Variants in PKP4 observed in about 807,000 individuals in gnomAD.
PKP4 encodes plakophilin-4.
PKP4 carries 90 observed loss-of-function variants against 145.1 expected under a neutral mutation model. The ratio of observed to expected loss-of-function variants is 0.62; its 90% CI spans 0.52 to 0.74. PKP4 has a LOEUF of 0.74. PKP4 is among the 30% of genes least tolerant of loss of function. PKP4 has a pLI of 0.00. For synonymous variants in PKP4, 563 were observed against 577.2 expected (o/e 0.98, Z 0.35); for missense variants, 1,340 against 1,482.7 (o/e 0.90, Z 1.58).
intron 3 of PKP4, among the ~76,000 whole-genome samples, chr2:158,600,688 T>G (rs1206777070): frequency 6.6e-6 from 1 of 152,224 alleles, no homozygotes; most frequent in Admixed American, 6.5e-5. Context: ...TAGGCTGTTA[T>G]GAATAACATG....
At chr2:158,626,728 CATT>C (rs1168032317) in intron 7 of PKP4, among the ~76,000 whole-genome samples, 10 of 152,140 alleles carry the variant, frequency 6.6e-5, no homozygotes, top group Non-Finnish European at 1.5e-4. Flanking sequence ...AGCTGTACCT[CATT>C]GTTTTTAAGG....
chr2:158,589,166 T>C (rs952336207), intron 3 of PKP4, among the ~76,000 whole-genome samples: 2 of 152,160 alleles, frequency 1.3e-5, no homozygotes, highest in African/African-American at 4.8e-5. Flanking sequence ...GTTGAACACC[T>C]ATTATGTAAT....
chr2:158,601,934 C>G (rs1345797410), intron 3 of PKP4, among the ~76,000 whole-genome samples: 1 of 152,084 alleles, frequency 6.6e-6, no homozygotes. Context: ...CTTTATTTGG[C>G]AGAATGTTTC....
At chr2:158,552,621 A>C (rs2045729562) in intron 2 of PKP4, among the ~76,000 whole-genome samples, 1 of 152,212 alleles carries the variant, frequency 6.6e-6, no homozygotes. Flanking sequence ...AGAGGAAAGA[A>C]AGGTGATTCT....
intron 1 of PKP4, among the ~76,000 whole-genome samples, chr2:158,507,444 C>T (rs188881025): frequency 6.6e-6 from 1 of 152,260 alleles, no homozygotes; most frequent in East Asian, 1.9e-4. Context: ...TACCGTGAAA[C>T]CAGGACTCGG....
intron 2 of PKP4, among the ~76,000 whole-genome samples, chr2:158,576,990 A>G (rs1365234390): frequency 7.2e-5 from 11 of 152,216 alleles, no homozygotes; most frequent in Admixed American, 7.2e-4. Flanking sequence ...CTGTAGCAGA[A>G]GTACTGTTTG....
At chr2:158,484,208 C>T (rs953542660) in intron 1 of PKP4, among the ~76,000 whole-genome samples, 5 of 151,816 alleles carry the variant, frequency 3.3e-5, no homozygotes, top group Non-Finnish European at 7.4e-5. Context: ...CCACCGCGCC[C>T]GGCTAATTTT....
At chr2:158,655,257 C>T (rs1397980119) in intron 11 of PKP4, among the ~76,000 whole-genome samples, 1 of 152,150 alleles carries the variant, frequency 6.6e-6, no homozygotes, top group Admixed American at 6.5e-5. Context: ...CATACAACTC[C>T]ATCAGTCATT....
At chr2:158,608,704 T>TATTTATG (rs995194310) in intron 4 of PKP4, among the ~76,000 whole-genome samples, 3 of 152,212 alleles carry the variant, frequency 2.0e-5, no homozygotes, top group Non-Finnish European at 2.9e-5. Context: ...TTTTCAGCCA[T>TATTTATG]ATTTATGACA....
At chr2:158,480,022 G>A (rs766863648) in intron 1 of PKP4, among the ~76,000 whole-genome samples, 2 of 152,080 alleles carry the variant, frequency 1.3e-5, no homozygotes, top group African/African-American at 2.4e-5. Context: ...CTTCTTAGAC[G>A]TTGATTCTGA....
chr2:158,469,843 C>T (rs893976853), intron 1 of PKP4, among the ~76,000 whole-genome samples: 1 of 152,132 alleles, frequency 6.6e-6, no homozygotes, highest in African/African-American at 2.4e-5. Flanking sequence ...AAATATGATC[C>T]TCCCAATAAG....
At chr2:158,567,072 T>A (rs745397078) in intron 2 of PKP4, among the ~76,000 whole-genome samples, 12 of 152,124 alleles carry the variant, frequency 7.9e-5, no homozygotes, top group Non-Finnish European at 1.3e-4. Context: ...AGGGAGTAAA[T>A]CATAAAATCA....
In PKP4 at chr2:158,503,965, C is replaced by CTT. The variant is rs59715903; in HGVS notation, c.-5-29193_-5-29192dup. Among the ~76,000 whole-genome samples, 146 of 86,890 alleles carry CTT rather than the reference C, an allele frequency of 1.7e-3. 2 individuals are homozygous for CTT. The highest frequency in any genetic ancestry group is 6.6e-3 in the East Asian group (17 of 2,564). The allele number at this position is 86,890 out of a possible 152,430, so 57.0% of individuals were successfully genotyped here. A position where few individuals can be genotyped will look rare whatever the true frequency, so the allele number is the denominator to read the frequency against. On this transcript the variant is annotated intron_variant, in intron 1 of 21. Coordinates refer to ENST00000389759, the MANE Select transcript of PKP4 (RefSeq NM_003628.6). Reference sequence around the variant, plus strand: ...TTTTAGGATTTCTGGTAAATTCTGGCTTTTTTTTTTTTTTTTTTTTTTTGA... The same window carrying CTT: ...TTTTAGGATTTCTGGTAAATTCTGGCTTTTTTTTTTTTTTTTTTTTTTTTTGA...
chr2:158,667,450 T>C (rs2057202416), intron 16 of PKP4, among the ~76,000 whole-genome samples: 1 of 152,126 alleles, frequency 6.6e-6, no homozygotes, highest in Non-Finnish European at 1.5e-5. Flanking sequence ...GAGAGCTCCA[T>C]GCCAAGTCCC....
intron 1 of PKP4, among the ~76,000 whole-genome samples, chr2:158,530,100 C>T (rs1187898029): frequency 5.3e-5 from 8 of 152,304 alleles, no homozygotes; most frequent in African/African-American, 1.9e-4. Context: ...CATACACGCC[C>T]CACTAGAGTT....
chr2:158,561,435 T>C (rs2046505867), intron 2 of PKP4, among the ~76,000 whole-genome samples: 1 of 152,222 alleles, frequency 6.6e-6, no homozygotes, highest in Admixed American at 6.5e-5. Context: ...TGGTGTTGCC[T>C]TGTTGAACCA....
intron 2 of PKP4, among the ~76,000 whole-genome samples, chr2:158,557,924 G>C (rs2046226331): frequency 6.6e-6 from 1 of 152,198 alleles, no homozygotes; most frequent in Non-Finnish European, 1.5e-5. Context: ...TCATCCCCAA[G>C]AAGAGACCCA....
rs774223560 is a variant in PKP4, at chr2:158,640,796, A to G, written c.1695+37A>G. 3 of 1,611,864 alleles carry G rather than the reference A, an allele frequency of 1.9e-6. No individual in the cohort carries two copies. In the South Asian group the frequency reaches 3.3e-5, roughly 18 times the overall value. ...GGTGCCTGGGATGACTGGGGAAAAT[A>G]ATGCCTTTGCATTTAACAGCCACGT... is the stretch of plus-strand genomic sequence containing the variant. On this transcript the variant is annotated intron_variant, in intron 10 of 21. Transcript: ENST00000389759.
At chr2:158,546,485 T>C (rs2045051394) in intron 2 of PKP4, among the ~76,000 whole-genome samples, 1 of 152,136 alleles carries the variant, frequency 6.6e-6, no homozygotes. Context: ...TATTTGGGAG[T>C]TTGGTTGTCC....
Sources: gnomAD v4.1 joint callset for allele counts (sites outside exome capture counted in the v4.1 genomes callset) on GRCh38, gnomAD v4.1.1 for gene constraint, MANE v1.5 for transcripts, NCBI Gene and HGNC (gene_info 2026-07-23, HGNC 2026-07-21) for gene names.